The following PDCD7 variants were observed in gnomAD, a reference collection of about 807,000 sequenced individuals.
PDCD7 encodes programmed cell death protein 7.
Under a neutral mutation model 42.1 loss-of-function variants are expected in PDCD7, and 40 were observed. The observed-to-expected ratio is 0.95, with a 90% CI of 0.74 to 1.24. PDCD7 has a LOEUF of 1.24. Among genes scored for constraint, PDCD7 ranks in the 50% most tolerant of loss-of-function variants. The probability of loss-of-function intolerance (pLI) is 0.00; values close to 1 mark genes in which losing one functional copy is unlikely to be tolerated. For missense variants in PDCD7, 644 were observed against 662.8 expected, an observed-to-expected ratio of 0.97 and a Z score of 0.31; for synonymous variants, 299 against 303.3, an observed-to-expected ratio of 0.99 and a Z score of 0.15.
chr15:65,133,306 C>G lies in PDCD7; in HGVS notation c.476G>C (p.Cys159Ser). 1 of 1,298,560 alleles carries G rather than the reference C, an allele frequency of 7.7e-7. No individual in the cohort carries two copies. The allele number at this position is 1,298,560 out of a possible 1,614,324, so 80.4% of individuals were successfully genotyped here. Residue 159 changes from cysteine to serine, a missense_variant, in exon 1 of 5, where the codon TGT becomes TCT. By Grantham distance (112) the Cys-to-Ser change is moderately radical. Coordinates refer to ENST00000204549, the MANE Select transcript of PDCD7 (RefSeq NM_005707.2). ...AVFGTPRRAG[C>S]PVPQRTHAGP... The stretch of plus-strand genomic sequence containing the variant: ...GGCATGCGTGCGCTGGGGCACCGGA[C>G]AGCCTGCCCGCCGCGGGGTCCCGAA...
chr15:65,123,072 T>C (rs2087470014), intron 2 of PDCD7, among the ~76,000 whole-genome samples: 1 of 152,058 alleles, frequency 6.6e-6, no homozygotes. Flanking sequence ...ACTAACAAAC[T>C]GTGTTCTAAA....
At position 65,133,441 on chromosome 15, in the gene PDCD7, G is replaced by C. The variant is rs1430105842; in HGVS notation, c.341C>G (p.Pro114Arg). The C allele has an allele frequency of 2.8e-5, 33 of 1,192,268 alleles. No individual in the cohort carries two copies. The highest frequency in any genetic ancestry group is 4.5e-5 in the Admixed American group (1 of 22,214). 73.9% of individuals were successfully genotyped at this position (1,192,268 alleles called of 1,614,324 possible). A position where few individuals can be genotyped will look rare whatever the true frequency, so the allele number is the denominator to read the frequency against. The change falls in exon 1 of 5, where the codon CCG becomes CGG. Residue 114 changes from proline to arginine, a missense_variant. By Grantham distance (103) the Pro-to-Arg change is moderately radical. Coordinates refer to ENST00000204549, the MANE Select transcript of PDCD7 (RefSeq NM_005707.2). The part of the protein sequence containing the change: ...GERPRPPPPG[P>R]GPPWSPRWPE... Reference sequence around the variant, plus strand: ...CCACCGCGGGCTCCAGGGCGGCCCCGGGCCGGGAGGCGGTGGCCGCGGCCG... The same window carrying C: ...CCACCGCGGGCTCCAGGGCGGCCCCCGGCCGGGAGGCGGTGGCCGCGGCCG...
Position 65,118,799 on chromosome 15 carries a change from T to G in PDCD7, c.1376A>C (p.Lys459Thr). 6.2e-7 allele frequency: 1 copy of G among 1,611,124 alleles called. No individual in the cohort carries two copies. ...DQYLVPSDHP[K>T]GNFVPQGWVL... ...CCATCCTTGGGGAACGAAGTTGCCT[T>G]TGGGATGATCGGATGGCACCAGGTA... Residue 459 changes from lysine (K) to threonine (T), a missense_variant, in exon 5 of 5, where the codon AAA becomes ACA. Physicochemically the swap from Lys to Thr is moderately conservative, Grantham distance 78 (BLOSUM62 -1). Transcript: ENST00000204549.
chr15:65,122,209 G>A (rs377662146), intron 2 of PDCD7, among the ~76,000 whole-genome samples: 5 of 152,020 alleles, frequency 3.3e-5, no homozygotes, highest in African/African-American at 9.7e-5. Flanking sequence ...GGTGGCGTGC[G>A]CCTGTAGTTC....
chr15:65,125,354 A>C lies in PDCD7; in HGVS notation c.1009+3678T>G, dbSNP rs1461976831. ...TAAGTTTTCCCCATGACCCAAAGACACACAACACCCCTCACCATCACCACT... is the reference window on the plus strand; with the variant it reads ...TAAGTTTTCCCCATGACCCAAAGACCCACAACACCCCTCACCATCACCACT... On this transcript the variant is annotated intron_variant, in intron 2 of 4. Transcript: ENST00000204549. 4.6e-5 allele frequency among the ~76,000 whole-genome samples: 7 copies of C among 152,142 alleles called. No individual in the cohort carries two copies. The East Asian group carries it at 1.3e-3, about 29-fold the overall frequency.
intron 2 of PDCD7, among the ~76,000 whole-genome samples, chr15:65,124,722 C>T (rs921595982): frequency 6.6e-6 from 1 of 152,148 alleles, no homozygotes; most frequent in African/African-American, 2.4e-5. Flanking sequence ...ACTTCCTTCT[C>T]CCCAGAGACC....
At chr15:65,132,476 T>A (rs1326011466) in intron 1 of PDCD7, among the ~76,000 whole-genome samples, 2 of 151,982 alleles carry the variant, frequency 1.3e-5, no homozygotes, top group African/African-American at 4.8e-5. Flanking sequence ...GGTCTTGAAC[T>A]CCTGACCTCG....
At chr15:65,126,551 C>T (rs1251217984) in intron 2 of PDCD7, among the ~76,000 whole-genome samples, 1 of 151,916 alleles carries the variant, frequency 6.6e-6, no homozygotes. Context: ...CCCAGGAGTT[C>T]GAGACCAGCT....
At chr15:65,123,438 G>A (rs765323167) in intron 2 of PDCD7, among the ~76,000 whole-genome samples, 9 of 152,126 alleles carry the variant, frequency 5.9e-5, no homozygotes, top group Non-Finnish European at 1.3e-4. Flanking sequence ...CTCCCACCTC[G>A]GCCTCCCAAA....
Position 65,119,816 on chromosome 15 carries a change from T to A in PDCD7, c.1148A>T (p.Glu383Val). 1 of 1,613,752 alleles carries A rather than the reference T, an allele frequency of 6.2e-7. No homozygotes were observed. The highest frequency in any genetic ancestry group is 8.5e-7 in the Non-Finnish European group (1 of 1,179,700). Reference protein sequence around the residue: ...LRVMLEGEQEEERKRELEKKQ... With the variant: ...LRVMLEGEQEVERKRELEKKQ... The stretch of plus-strand genomic sequence containing the variant: ...CTTTTCTAATTCTCTTTTCCTCTCT[T>A]CCTCTTGTTCTCCTTCTAGCATAAC... The change falls in exon 3 of 5, where the codon GAA (glutamate) becomes GTA (valine). Residue 383 changes from glutamate (E) to valine (V), a missense_variant. Physicochemically the swap from Glu to Val is moderately radical, Grantham distance 121. Transcript: ENST00000204549.
chr15:65,118,955 C>T, intron 4 of PDCD7, 115 bp from the exon 5 acceptor site: 2 of 665,878 alleles, frequency 3.0e-6, no homozygotes, highest in Admixed American at 3.7e-5. Flanking sequence ...TAATCTATTA[C>T]AGAACTTGAT....
Position 65,119,373 on chromosome 15 carries a change from G to A in PDCD7, c.1334+3C>T. On this transcript the variant is annotated splice_donor_region_variant and intron_variant, in intron 4 of 4. Coordinates refer to ENST00000204549, the MANE Select transcript of PDCD7 (RefSeq NM_005707.2). Reference sequence around the variant, plus strand: ...GACAACATGGAGAGCCAGCCCCTCTGACCTGATCTGGATGAGCGCTGGCAG... The same window carrying A: ...GACAACATGGAGAGCCAGCCCCTCTAACCTGATCTGGATGAGCGCTGGCAG... The A allele has an allele frequency of 6.2e-7, 1 of 1,609,436 alleles. No individual in the cohort carries two copies. The highest frequency in any genetic ancestry group is 8.5e-7 in the Non-Finnish European group (1 of 1,175,934).
At position 65,117,505 on chromosome 15, in the gene PDCD7, T is replaced by C. The variant is rs1338459877; in HGVS notation, c.*1212A>G. On this transcript the variant is annotated 3_prime_UTR_variant, in exon 5 of 5. Transcript: ENST00000204549. ...GTGATCATCTCCAAGCACAACAGCA[T>C]TTATTAATGAATATAAAAAATAAAT... is the stretch of plus-strand genomic sequence containing the variant. The C allele has an allele frequency of 6.6e-6, 1 of 152,154 alleles. No individual in the cohort carries two copies. Among genetic ancestry groups the C allele is most frequent in the Admixed American group, 6.5e-5 (1 of 15,270 alleles). The allele number at this position is 152,154 out of a possible 1,614,324, so 9.4% of individuals were successfully genotyped here. A position where few individuals can be genotyped will look rare whatever the true frequency, so the allele number is the denominator to read the frequency against.
intron 2 of PDCD7, among the ~76,000 whole-genome samples, chr15:65,120,996 G>GACTTT (rs1163573020): frequency 6.6e-6 from 1 of 150,832 alleles, no homozygotes; most frequent in Non-Finnish European, 1.5e-5. Flanking sequence ...ACCCTACCCT[G>GACTTT]ACTTTCTCAA....
chr15:65,133,285 T>G lies in PDCD7; in HGVS notation c.497A>C (p.His166Pro). 1.5e-6 allele frequency: 2 copies of G among 1,321,186 alleles called. No individual in the cohort carries two copies. The highest frequency in any genetic ancestry group is 9.6e-7 in the Non-Finnish European group (1 of 1,041,948). 81.8% of individuals were successfully genotyped at this position (1,321,186 alleles called of 1,614,324 possible). A position where few individuals can be genotyped will look rare whatever the true frequency, so the allele number is the denominator to read the frequency against. ...CACTTCGCCAAGGCTGGGCCCGGCATGCGTGCGCTGGGGCACCGGACAGCC... is the reference window on the plus strand; with the variant it reads ...CACTTCGCCAAGGCTGGGCCCGGCAGGCGTGCGCTGGGGCACCGGACAGCC... ...RAGCPVPQRT[H>P]AGPSLGEVRA... Residue 166 changes from histidine to proline, a missense_variant, in exon 1 of 5, where the codon CAT becomes CCT. By Grantham distance (77) the His-to-Pro change is moderately conservative. Coordinates refer to ENST00000204549, the MANE Select transcript of PDCD7 (RefSeq NM_005707.2).
chr15:65,122,367 C>T (rs1429609896), intron 2 of PDCD7, among the ~76,000 whole-genome samples: 1 of 151,668 alleles, frequency 6.6e-6, no homozygotes, highest in Non-Finnish European at 1.5e-5. Context: ...AAAAGAATAC[C>T]AGATACAAGA....
At chr15:65,119,532 G>T in intron 3 of PDCD7, 69 bp from the exon 4 acceptor site, 1 of 1,285,794 alleles carries the variant, frequency 7.8e-7, no homozygotes, top group Non-Finnish European at 1.1e-6. Context: ...AAGGCAAGGT[G>T]ACTGAGCCTA....
chr15:65,132,855 C>A, intron 1 of PDCD7, 57 bp downstream of exon 1: 1 of 1,588,896 alleles, frequency 6.3e-7, no homozygotes, highest in South Asian at 1.1e-5. Context: ...AAGCCTCCTG[C>A]TGCTCCAGGT....
chr15:65,132,596 G>A (rs1490964503), intron 1 of PDCD7, among the ~76,000 whole-genome samples: 2 of 152,128 alleles, frequency 1.3e-5, no homozygotes, highest in South Asian at 2.1e-4. Context: ...AAGACACAAG[G>A]AACTAGACAC....
Sources: allele counts gnomAD v4.1 joint callset (sites outside exome capture counted in the v4.1 genomes callset), GRCh38; gene constraint gnomAD v4.1.1; transcripts MANE v1.5; gene names NCBI Gene and HGNC (gene_info 2026-07-23, HGNC 2026-07-21).